Variants in NUP88 observed in about 807,000 individuals in gnomAD.
NUP88 encodes the protein nucleoporin 88.
Under a neutral mutation model 93.9 loss-of-function variants are expected in NUP88, and 57 were observed. The observed-to-expected ratio is 0.61, with a 90% CI of 0.49 to 0.76. NUP88 has a LOEUF of 0.76. Ranked by LOEUF, NUP88 falls within the 30% of genes least tolerant of loss-of-function variation. The pLI is 0.00. For missense variants in NUP88, 911 were observed against 901.0 expected (o/e 1.01, Z -0.14); for synonymous variants, 346 against 336.8 (o/e 1.03, Z -0.30).
intron 13 of NUP88, 26 bp from the exon 14 acceptor site, chr17:5,387,492 CTT>C (rs1349259772): frequency 6.2e-7 from 1 of 1,610,830 alleles, no homozygotes; most frequent in Non-Finnish European, 8.5e-7. Flanking sequence ...ACAAGAGACT[CTT>C]GAGGTCCACC....
intron 14 of NUP88, 92 bp downstream of exon 14, chr17:5,387,294 C>A: frequency 7.8e-7 from 1 of 1,289,406 alleles, no homozygotes; most frequent in South Asian, 1.2e-5. Context: ...CAGTTCAGTT[C>A]CGTAGGTATG....
rs1239363528 is a variant in NUP88, at chr17:5,419,394, G to A, written c.257C>T (p.Pro86Leu). The change falls in exon 1 of 17, where the codon CCC becomes CTC. Residue 86 changes from proline to leucine, a missense_variant. Pro to Leu is a moderately conservative substitution (Grantham distance 98). Coordinates refer to ENST00000573584, the MANE Select transcript of NUP88 (RefSeq NM_002532.6). ...SSFLVVRLRGPSGGGEEPALS... is the reference protein window; with the variant it reads ...SSFLVVRLRGLSGGGEEPALS... ...GGCGGGCTCTTCGCCGCCGCCGCTG[G>A]GGCCCCGAAGGCGAACGACTAAGAA... 1 of 1,606,836 alleles carries A rather than the reference G, an allele frequency of 6.2e-7. No individual in the cohort carries two copies. Among genetic ancestry groups the A allele is most frequent in the Non-Finnish European group, 8.5e-7 (1 of 1,176,676 alleles).
Position 5,388,859 on chromosome 17 carries a change from A to G in NUP88, c.1586T>C (p.Phe529Ser), listed in dbSNP as rs777822139. The G allele has an allele frequency of 1.2e-6, 2 of 1,614,122 alleles. No individual in the cohort carries two copies. The highest frequency in any genetic ancestry group is 1.7e-6 in the Non-Finnish European group (2 of 1,179,988). The change falls in exon 11 of 17, where the codon TTT becomes TCT. Residue 529 changes from phenylalanine to serine, a missense_variant. Transcript: ENST00000573584. ...CAAAATGCTTCTAATATGCTTTTCA[A>G]AGGAATCTGGGGTTTCAGCCAGAAC... ...LRVLAETPDSFEKHIRSILQR... is the reference protein window; with the variant it reads ...LRVLAETPDSSEKHIRSILQR...
intron 7 of NUP88, among the ~76,000 whole-genome samples, chr17:5,401,737 C>T (rs1913181751): frequency 6.6e-6 from 1 of 152,174 alleles, no homozygotes; most frequent in South Asian, 2.1e-4. Context: ...CTCAAATCAT[C>T]TCATTAAATC....
At chr17:5,413,887 C>T (rs1913984197) in intron 3 of NUP88, 122 bp downstream of exon 3, 2 of 994,490 alleles carry the variant, frequency 2.0e-6, no homozygotes, top group African/African-American at 3.2e-5. Context: ...GTTACAACAG[C>T]CATCCAATAA....
chr17:5,387,016 G>T lies in NUP88; in HGVS notation c.2011C>A (p.Gln671Lys). The T allele has an allele frequency of 1.2e-6, 2 of 1,614,058 alleles. No individual in the cohort carries two copies. The highest frequency in any genetic ancestry group is 1.1e-5 in the South Asian group (1 of 91,046). ...MKKELQLIPD[Q>K]LRHLGNAIKQ... Reference sequence around the variant, plus strand: ...ATGGCATTGCCCAAATGTCGAAGTTGATCAGGTATCAGCTGTAATTCTTTC... The same window carrying T: ...ATGGCATTGCCCAAATGTCGAAGTTTATCAGGTATCAGCTGTAATTCTTTC... The change falls in exon 15 of 17, where the codon CAA becomes AAA. Residue 671 changes from glutamine to lysine, a missense_variant. By Grantham distance (53) the Gln-to-Lys change is moderately conservative (BLOSUM62 1). Transcript: ENST00000573584.
chr17:5,410,083 G>A (rs1913742202), intron 4 of NUP88, among the ~76,000 whole-genome samples: 3 of 152,166 alleles, frequency 2.0e-5, no homozygotes, highest in Non-Finnish European at 4.4e-5. Context: ...GAAGTAGAAT[G>A]ATCTGATTAA....
intron 9 of NUP88, among the ~76,000 whole-genome samples, chr17:5,393,018 T>A (rs1912540532): frequency 6.6e-6 from 1 of 151,608 alleles, no homozygotes; most frequent in South Asian, 2.1e-4. Context: ...AGTGACATGA[T>A]CTTGGCTCAC....
intron 4 of NUP88, among the ~76,000 whole-genome samples, chr17:5,409,374 C>CAA (rs10611297): frequency 2.5e-4 from 25 of 99,480 alleles, no homozygotes; most frequent in African/African-American, 4.8e-4. Context: ...AACTCCGTCT[C>CAA]AAAAAAAAAA....
At chr17:5,409,174 G>A (rs1472413634) in intron 4 of NUP88, among the ~76,000 whole-genome samples, 1 of 152,096 alleles carries the variant, frequency 6.6e-6, no homozygotes, top group Non-Finnish European at 1.5e-5. Context: ...AGGAGTTCGA[G>A]ACCAGCCTGG....
intron 7 of NUP88, among the ~76,000 whole-genome samples, chr17:5,402,918 T>C (rs1913256765): frequency 6.6e-6 from 1 of 151,978 alleles, no homozygotes; most frequent in Non-Finnish European, 1.5e-5. Flanking sequence ...TGCTTGAGCC[T>C]GGGAGGCAAA....
chr17:5,416,832 A>ATTT (rs11391160), intron 1 of NUP88, 150 bp from the exon 2 acceptor site: 532 of 388,482 alleles, frequency 1.4e-3, no homozygotes, highest in East Asian at 4.6e-3. Context: ...TAACTCACAA[A>ATTT]TTTTTTTTTT....
At chr17:5,386,449 G>A (rs868676438) in intron 16 of NUP88, among the ~76,000 whole-genome samples, 180 bp from the exon 17 acceptor site, 1 of 152,194 alleles carries the variant, frequency 6.6e-6, no homozygotes, top group Non-Finnish European at 1.5e-5. Flanking sequence ...AACGGTGCAA[G>A]TACTGGAAAT....
At chr17:5,388,668 C>T in intron 11 of NUP88, 134 bp downstream of exon 11, 1 of 751,680 alleles carries the variant, frequency 1.3e-6, no homozygotes, top group Non-Finnish European at 2.0e-6. Context: ...ACTAGCTGAT[C>T]AAATATATCC....
In NUP88 at chr17:5,386,739, G is replaced by T. The variant is rs764971841; in HGVS notation, c.2131C>A (p.Arg711=). ...TTCAGGATGGACTGAATGCACTTTC[G>T]CTGGTAGGCACTGAGAATAATGGTG... ...KPTIILSAYQ[R]KCIQSILKEE... Residue 711 remains arginine, a synonymous_variant, in exon 16 of 17, where the codon CGA becomes AGA. Transcript: ENST00000573584. 2.5e-6 allele frequency: 4 copies of T among 1,612,550 alleles called. No individual in the cohort carries two copies. The highest frequency in any genetic ancestry group is 2.5e-6 in the Non-Finnish European group (3 of 1,178,746).
In NUP88 at chr17:5,386,707, C is replaced by T. The variant is rs1392270877; in HGVS notation, c.2162+1G>A. On this transcript the variant is annotated splice_donor_variant, in intron 16 of 16. Transcript: ENST00000573584. LOFTEE classifies it high-confidence loss of function. ...ATAGCTGATTGGAAGTATTTACTTACTCCTCTTTCAGGATGGACTGAATGC... is the reference window on the plus strand; with the variant it reads ...ATAGCTGATTGGAAGTATTTACTTATTCCTCTTTCAGGATGGACTGAATGC... The T allele has an allele frequency of 2.5e-6, 4 of 1,576,122 alleles. No individual in the cohort carries two copies. The highest frequency in any genetic ancestry group is 3.5e-6 in the Non-Finnish European group (4 of 1,145,714).
At chr17:5,417,696 G>A (rs1261089068) in intron 1 of NUP88, among the ~76,000 whole-genome samples, 3 of 152,114 alleles carry the variant, frequency 2.0e-5, no homozygotes, top group South Asian at 2.1e-4. Flanking sequence ...AAAAGTAGCC[G>A]GGTACGGTGG....
chr17:5,419,234 G>C, intron 1 of NUP88, 120 bp downstream of exon 1: 1 of 1,169,892 alleles, frequency 8.5e-7, no homozygotes, highest in Non-Finnish European at 1.1e-6. Flanking sequence ...GTATGGCAGC[G>C]TCGGAGTCAA....
rs749617268 is a variant in NUP88, at chr17:5,387,680, CAAAAAG to C, written c.1770-16_1770-11del. The C allele has an allele frequency of 4.3e-6, 7 of 1,609,902 alleles. No homozygotes were observed. In the East Asian group the frequency reaches 8.9e-5, roughly 21 times the overall value. On this transcript the variant is annotated splice_polypyrimidine_tract_variant and intron_variant, in intron 12 of 16. Coordinates refer to ENST00000573584, the MANE Select transcript of NUP88 (RefSeq NM_002532.6). ...ACATAATAATTTGACCCTTTAAAAA[CAAAAAG>C]AAATAGAGTTTATTCAGAAGCCAGG...
Sources: gnomAD v4.1 joint callset for allele counts (sites outside exome capture counted in the v4.1 genomes callset) on GRCh38, gnomAD v4.1.1 for gene constraint, MANE v1.5 for transcripts, NCBI Gene and HGNC (gene_info 2026-07-23, HGNC 2026-07-21) for gene names.